Variants in PAPPA observed in about 807,000 individuals in gnomAD.
PAPPA encodes pappalysin-1.
PAPPA carries 60 observed loss-of-function variants against 164.0 expected under a neutral mutation model. The ratio of observed to expected loss-of-function variants is 0.37; its 90% CI spans 0.30 to 0.45. PAPPA has a LOEUF of 0.45. Among genes scored for constraint, PAPPA ranks in the 20% least tolerant of loss-of-function variants. The probability of loss-of-function intolerance (pLI) is 1.00; values close to 1 mark genes in which losing one functional copy is unlikely to be tolerated. For missense variants in PAPPA, 1,782 were observed against 2,087.3 expected (o/e 0.85, Z 2.85); for synonymous variants, 875 against 814.1 (o/e 1.07, Z -1.27).
At chr9:116,250,093 C>T (rs1438385512) in intron 7 of PAPPA, among the ~76,000 whole-genome samples, 1 of 151,360 alleles carries the variant, frequency 6.6e-6, no homozygotes, top group Non-Finnish European at 1.5e-5. Context: ...CACCTGTTTT[C>T]ATCATCTGCT....
chr9:116,319,114 C>G (rs1372990613), intron 10 of PAPPA, among the ~76,000 whole-genome samples: 2 of 152,218 alleles, frequency 1.3e-5, no homozygotes, highest in Non-Finnish European at 2.9e-5. Context: ...TCTTTCACTG[C>G]TGGGTCAGGA....
In PAPPA at chr9:116,396,703, T is replaced by A. The variant is rs562536913; in HGVS notation, c.*87T>A. 4.0e-4 allele frequency: 286 copies of A among 717,070 alleles called. 1 individual carries two copies. The African/African-American group carries it at 4.8e-3, about 12-fold the overall frequency. The allele number at this position is 717,070 out of a possible 1,614,324, so 44.4% of individuals were successfully genotyped here. A position where few individuals can be genotyped will look rare whatever the true frequency, so the allele number is the denominator to read the frequency against. On this transcript the variant is annotated 3_prime_UTR_variant, in exon 22 of 22. Coordinates refer to ENST00000328252, the MANE Select transcript of PAPPA (RefSeq NM_002581.5). ...TTTCACAGTCAGCTGCTCAACGGAA[T>A]GGCCTCTCCACACCAGGGATCCTTA...
Position 116,362,773 on chromosome 9 carries a change from G to A in PAPPA, c.4495+34G>A, listed in dbSNP as rs546945578. The A allele has an allele frequency of 1.9e-6, 3 of 1,597,736 alleles. No homozygotes were observed. The South Asian group carries it at 3.4e-5, about 18-fold the overall frequency. ...GGCCCGAGAGGGGAGCAGTAGGAGG[G>A]GCAATTCCTTCCAGCAATGCAGGGC... On this transcript the variant is annotated intron_variant, in intron 18 of 21. Transcript: ENST00000328252.
At chr9:116,348,113 C>T (rs1444225835) in intron 15 of PAPPA, among the ~76,000 whole-genome samples, 1 of 152,094 alleles carries the variant, frequency 6.6e-6, no homozygotes, top group Non-Finnish European at 1.5e-5. Context: ...TTAGGAGGAC[C>T]ATCATTTTGA....
intron 20 of PAPPA, among the ~76,000 whole-genome samples, chr9:116,378,360 T>C (rs1846682295): frequency 6.6e-6 from 1 of 152,150 alleles, no homozygotes; most frequent in Admixed American, 6.6e-5. Flanking sequence ...CTCAAAGACA[T>C]TTCTGCACAT....
intron 7 of PAPPA, among the ~76,000 whole-genome samples, chr9:116,240,675 G>A (rs867550577): frequency 6.6e-6 from 1 of 152,132 alleles, no homozygotes; most frequent in Non-Finnish European, 1.5e-5. Context: ...CAATGTAGGT[G>A]GTCCTATCCC....
rs190477790 is a variant in PAPPA, at chr9:116,275,286, C to T, written c.2953+3870C>T. 2.0e-5 allele frequency among the ~76,000 whole-genome samples: 3 copies of T among 152,306 alleles called. No individual in the cohort carries two copies. In the East Asian group the frequency reaches 5.8e-4, roughly 29 times the overall value. On this transcript the variant is annotated intron_variant, in intron 9 of 21. Coordinates refer to ENST00000328252, the MANE Select transcript of PAPPA (RefSeq NM_002581.5). ...GTTGGATGTGCTTGATGCACAGATG[C>T]ACATTAGCTATTACTTTTCTCTATG...
intron 6 of PAPPA, among the ~76,000 whole-genome samples, chr9:116,230,758 A>G (rs1844580959): frequency 6.6e-6 from 1 of 152,118 alleles, no homozygotes; most frequent in African/African-American, 2.4e-5. Flanking sequence ...TTGAGCAAAA[A>G]CTGTATTTCA....
chr9:116,258,674 G>GA (rs201351970), intron 7 of PAPPA, among the ~76,000 whole-genome samples: 2 of 148,618 alleles, frequency 1.3e-5, no homozygotes, highest in African/African-American at 2.5e-5. Context: ...AGATAACCCC[G>GA]AAAAAAAAAA....
chr9:116,217,247 CT>C, intron 4 of PAPPA, among the ~76,000 whole-genome samples: 1 of 152,182 alleles, frequency 6.6e-6, no homozygotes, highest in Non-Finnish European at 1.5e-5. Flanking sequence ...TGTCATTCAT[CT>C]TGAGAAATGC....
chr9:116,176,586 G>A (rs530981559), intron 1 of PAPPA, among the ~76,000 whole-genome samples: 1 of 152,184 alleles, frequency 6.6e-6, no homozygotes, highest in East Asian at 1.9e-4. Context: ...GTTGATATTT[G>A]AAATCATATC....
chr9:116,268,244 T>C (rs1845094836), intron 8 of PAPPA, among the ~76,000 whole-genome samples: 1 of 152,158 alleles, frequency 6.6e-6, no homozygotes, highest in South Asian at 2.1e-4. Flanking sequence ...GTATTTAAGA[T>C]CCACATTCAT....
intron 10 of PAPPA, among the ~76,000 whole-genome samples, chr9:116,304,842 G>A (rs1200480084): frequency 2.0e-5 from 3 of 152,086 alleles, no homozygotes; most frequent in Admixed American, 6.5e-5. Context: ...TAATGAAATC[G>A]ACTAGGTTCC....
chr9:116,344,466 C>G (rs1846179985), intron 13 of PAPPA, 77 bp from the exon 14 acceptor site: 2 of 1,449,822 alleles, frequency 1.4e-6, no homozygotes, highest in African/African-American at 1.4e-5. Flanking sequence ...GAAAGAGGCT[C>G]TTAGCCTTTA....
rs1847029401 is a variant in PAPPA at position 116,400,151 on chromosome 9, A to C, written c.*3535A>C. 1 of 152,522 alleles carries C rather than the reference A, an allele frequency of 6.6e-6. No homozygotes were observed. Among genetic ancestry groups the C allele is most frequent in the Admixed American group, 6.5e-5 (1 of 15,274 alleles). The allele number at this position is 152,522 out of a possible 1,614,324, so 9.4% of individuals were successfully genotyped here. A position where few individuals can be genotyped will look rare whatever the true frequency, so the allele number is the denominator to read the frequency against. ...TAAAAAAAAATGGTGACAAAGCTGT[A>C]CAGATAGAGATAATAGAAGACAAAG... On this transcript the variant is annotated 3_prime_UTR_variant, in exon 22 of 22. Coordinates refer to ENST00000328252, the MANE Select transcript of PAPPA (RefSeq NM_002581.5).
At chr9:116,261,309 T>C (rs1382116110) in intron 7 of PAPPA, among the ~76,000 whole-genome samples, 2 of 152,192 alleles carry the variant, frequency 1.3e-5, no homozygotes, top group Non-Finnish European at 1.5e-5. Context: ...ACGAATGCTA[T>C]GATATAGAAA....
intron 19 of PAPPA, among the ~76,000 whole-genome samples, chr9:116,370,098 G>A (rs1482395751): frequency 1.3e-5 from 2 of 152,086 alleles, no homozygotes; most frequent in Non-Finnish European, 1.5e-5. Flanking sequence ...GTCTGCCTGC[G>A]AGCACCAGTG....
Position 116,154,164 on chromosome 9 carries a change from C to T in PAPPA, c.-9C>T, listed in dbSNP as rs1176006819. ...AGGGGCGAAGGGGGGGCGGGGGGAACCGTCGGACATGCGGCTCTGGAGTTG... is the reference window on the plus strand; with the variant it reads ...AGGGGCGAAGGGGGGGCGGGGGGAATCGTCGGACATGCGGCTCTGGAGTTG... On this transcript the variant is annotated 5_prime_UTR_variant, in exon 1 of 22. Transcript: ENST00000328252. The surrounding 1 kb of genome is among the most constrained non-coding windows in gnomAD (Gnocchi z 5.2). The T allele has an allele frequency of 6.8e-7, 1 of 1,478,456 alleles. No individual in the cohort carries two copies. The allele number at this position is 1,478,456 out of a possible 1,614,324, so 91.6% of individuals were successfully genotyped here.
chr9:116,265,773 C>G, intron 7 of PAPPA, 84 bp from the exon 8 acceptor site: 1 of 1,116,714 alleles, frequency 9.0e-7, no homozygotes, highest in Non-Finnish European at 1.3e-6. Flanking sequence ...CTGATAGAAC[C>G]TACTCCAGGG....
Sources: allele counts gnomAD v4.1 joint callset (sites outside exome capture counted in the v4.1 genomes callset), GRCh38; gene constraint gnomAD v4.1.1; non-coding constraint Gnocchi (gnomAD v3.1); transcripts MANE v1.5; gene names NCBI Gene and HGNC (gene_info 2026-07-23, HGNC 2026-07-21).